Variants in HEATR1 observed in about 807,000 individuals in gnomAD.
HEATR1 encodes the protein HEAT repeat-containing protein 1.
Under a neutral mutation model 248.2 loss-of-function variants are expected in HEATR1, and 77 were observed. The ratio of observed to expected loss-of-function variants is 0.31; its 90% CI spans 0.26 to 0.37. The LOEUF is 0.37. Among genes scored for constraint, HEATR1 ranks in the 10% least tolerant of loss-of-function variants. The pLI, the probability that HEATR1 is intolerant of heterozygous loss-of-function variation, is 1.00. For missense variants in HEATR1, 2,420 were observed against 2,504.9 expected (o/e 0.97, Z 0.72); for synonymous variants, 897 against 923.1 (o/e 0.97, Z 0.51).
At chr1:236,585,345 A>G in intron 16 of HEATR1, 129 bp from the exon 17 acceptor site, 1 of 677,090 alleles carries the variant, frequency 1.5e-6, no homozygotes, top group Non-Finnish European at 2.4e-6. Flanking sequence ...AGCCTTTATA[A>G]AGTACTAAGC....
intron 17 of HEATR1, among the ~76,000 whole-genome samples, chr1:236,584,010 A>G (rs2799424): frequency 0.59 from 89,379 of 151,982 alleles, 28,063 homozygotes; most frequent in Non-Finnish European, 0.69. Context: ...AATGACAAAT[A>G]TGACTCTGTA....
rs192092733 is a variant in HEATR1 at position 236,552,935 on chromosome 1, A to G, written c.6237+646T>C. 14 of 152,380 alleles carry G rather than the reference A, an allele frequency of 9.2e-5. No homozygotes were observed. In the East Asian group the frequency reaches 2.1e-3, roughly 23 times the overall value. The allele number at this position is 152,380 out of a possible 1,614,324, so 9.4% of individuals were successfully genotyped here. On this transcript the variant is annotated intron_variant, in intron 43 of 44. Coordinates refer to ENST00000366582, the MANE Select transcript of HEATR1 (RefSeq NM_018072.6). Reference sequence around the variant, plus strand: ...GGTTCATCATAATAGTCTCATTGTTAGCATATCCTAATAAAGAATTTGAAC... The same window carrying G: ...GGTTCATCATAATAGTCTCATTGTTGGCATATCCTAATAAAGAATTTGAAC...
At chr1:236,583,609 C>A (rs1200144691) in intron 17 of HEATR1, among the ~76,000 whole-genome samples, 1 of 151,698 alleles carries the variant, frequency 6.6e-6, no homozygotes, top group Non-Finnish European at 1.5e-5. Flanking sequence ...GCTTCAGCCT[C>A]CCGAGTAGGA....
intron 14 of HEATR1, 68 bp downstream of exon 14, chr1:236,587,334 G>A: frequency 4.2e-6 from 3 of 711,838 alleles, no homozygotes; most frequent in Admixed American, 3.6e-5. Context: ...AAAAGAAGAA[G>A]AAATAGAAAG....
At chr1:236,583,964 TGTAA>T (rs1327237326) in intron 17 of HEATR1, among the ~76,000 whole-genome samples, 1 of 152,158 alleles carries the variant, frequency 6.6e-6, no homozygotes, top group African/African-American at 2.4e-5. Flanking sequence ...GAAATTATAC[TGTAA>T]GTGCCAAAAG....
chr1:236,592,656 A>C, intron 9 of HEATR1, 23 bp from the exon 10 acceptor site: 1 of 919,200 alleles, frequency 1.1e-6, no homozygotes, highest in Non-Finnish European at 1.7e-6. Flanking sequence ...AAACAGAAAT[A>C]TCAGCATACA....
At chr1:236,553,461 C>T in intron 43 of HEATR1, 120 bp downstream of exon 43, 1 of 1,033,154 alleles carries the variant, frequency 9.7e-7, no homozygotes, top group South Asian at 1.8e-5. Context: ...TACTGGATGA[C>T]AAATAGCAAT....
intron 5 of HEATR1, among the ~76,000 whole-genome samples, chr1:236,597,406 C>T (rs1664205797): frequency 3.3e-5 from 5 of 152,024 alleles, no homozygotes; most frequent in Admixed American, 3.3e-4. Flanking sequence ...GCATGCCCCA[C>T]CATGCCCAGT....
At chr1:236,553,384 C>T (rs1035352710) in intron 43 of HEATR1, among the ~76,000 whole-genome samples, 197 bp downstream of exon 43, 1 of 152,148 alleles carries the variant, frequency 6.6e-6, no homozygotes, top group African/African-American at 2.4e-5. Context: ...TACAAATAGC[C>T]TGTAAGTAAA....
In HEATR1 at chr1:236,554,709, G is replaced by A; in HGVS notation, c.5967C>T (p.Cys1989=). The change falls in exon 42 of 45, where the codon TGC becomes TGT. Residue 1989 remains cysteine (C), a synonymous_variant. Coordinates refer to ENST00000366582, the MANE Select transcript of HEATR1 (RefSeq NM_018072.6). ...FDSENDPEKC[C]LLLQFILNCL... ...AGTTCAAAATAAACTGCAACAGCAA[G>A]CAGCACTTTTCAGGGTCATTTTCAG... 6.2e-7 allele frequency: 1 copy of A among 1,612,964 alleles called. No homozygotes were observed. Among genetic ancestry groups the A allele is most frequent in the South Asian group, 1.1e-5 (1 of 90,606 alleles).
intron 28 of HEATR1, 115 bp from the exon 29 acceptor site, chr1:236,569,239 G>T: frequency 1.3e-6 from 1 of 746,648 alleles, no homozygotes; most frequent in African/African-American, 1.9e-5. Context: ...GCAGTTGTGT[G>T]ATCACAGTTC....
Position 236,576,820 on chromosome 1 carries a change from T to TAA in HEATR1, c.2884_2885insTT (p.Lys962IlefsTer30). The TAA allele has an allele frequency of 6.2e-7, 1 of 1,613,946 alleles. No individual in the cohort carries two copies. Among genetic ancestry groups the TAA allele is most frequent in the Non-Finnish European group, 8.5e-7 (1 of 1,179,934 alleles). On this transcript the variant is annotated frameshift_variant, in exon 21 of 45. Coordinates refer to ENST00000366582, the MANE Select transcript of HEATR1 (RefSeq NM_018072.6). LOFTEE classifies it high-confidence loss of function. Reference sequence around the variant, plus strand: ...AGCATCTGAAGTGATCTCCTCTGCTTTAGAAATCAAATGATCTATTATCAG... The same window carrying TAA: ...AGCATCTGAAGTGATCTCCTCTGCTTAATAGAAATCAAATGATCTATTATCAG...
In HEATR1 at chr1:236,573,913, A is replaced by G. The variant is rs141753194; in HGVS notation, c.3459+289T>C. ...CCATTGACTCATTCCTATTCCTTGC[A>G]TAAAGGAATAGGTAGATTCCGTCTA... On this transcript the variant is annotated intron_variant, in intron 24 of 44. Transcript: ENST00000366582. The G allele has an allele frequency of 3.2e-3, 673 of 207,330 alleles. 4 individuals are homozygous for G. The highest frequency in any genetic ancestry group is 3.7e-3 in the Non-Finnish European group (395 of 105,524). The allele number at this position is 207,330 out of a possible 1,614,324, so 12.8% of individuals were successfully genotyped here.
At chr1:236,602,557 A>G (rs930223126) in intron 3 of HEATR1, among the ~76,000 whole-genome samples, 11 of 152,206 alleles carry the variant, frequency 7.2e-5, no homozygotes, top group African/African-American at 2.4e-4. Context: ...TTTGCCAAGA[A>G]AGCAGCTTAG....
chr1:236,558,462 T>C lies in HEATR1; in HGVS notation c.4979A>G (p.Glu1660Gly). ...AIVQRKKKEG[E>G]EEQAINRQTA... ...CTGTCTGTTGATTGCTTGTTCTTCT[T>C]CCCCTTCCTTTTTCTTACGCTGCAC... The change falls in exon 36 of 45, where the codon GAA becomes GGA. Residue 1660 changes from glutamate to glycine, a missense_variant. Glu to Gly is a moderately conservative substitution (Grantham distance 98). Transcript: ENST00000366582. 1 of 1,614,212 alleles carries C rather than the reference T, an allele frequency of 6.2e-7. No homozygotes were observed. Among genetic ancestry groups the C allele is most frequent in the Non-Finnish European group, 8.5e-7 (1 of 1,180,020 alleles).
rs193150310 is a variant in HEATR1 at position 236,554,752 on chromosome 1, T to C, written c.5924A>G (p.Asp1975Gly). ...ATTTTCAGAGTCAAAAAATGCTTCA[T>C]CTGTAGACGTGGGAAGAGTAAAAAT... The part of the protein sequence containing the change: ...TLNQVNISKT[D>G]EAFFDSENDP... The change falls in exon 42 of 45, where the codon GAT becomes GGT. Residue 1975 changes from aspartate (D) to glycine (G), a missense_variant and splice_region_variant. By Grantham distance (94) the Asp-to-Gly change is moderately conservative (BLOSUM62 -1). Transcript: ENST00000366582. The C allele has an allele frequency of 1.9e-6, 3 of 1,609,334 alleles. No individual in the cohort carries two copies. The highest frequency in any genetic ancestry group is 1.1e-5 in the South Asian group (1 of 89,498).
At chr1:236,597,226 GA>G (rs1167405882) in intron 5 of HEATR1, among the ~76,000 whole-genome samples, 1 of 149,794 alleles carries the variant, frequency 6.7e-6, no homozygotes, top group Non-Finnish European at 1.5e-5. Context: ...ACTGCCTAAT[GA>G]TATTCCTAAC....
chr1:236,571,383 A>G lies in HEATR1; in HGVS notation c.3916T>C (p.Leu1306=), dbSNP rs778291253. 6.2e-6 allele frequency: 10 copies of G among 1,604,910 alleles called. No individual in the cohort carries two copies. The highest frequency in any genetic ancestry group is 1.8e-5 in the Admixed American group (1 of 56,530). ...EMPQTHHHAL[L]LLGTVAGIFP... ...ATTCCAGCAACAGTGCCCAAAAGTA[A>G]AAGGGCATGGTGATGGGTCTGCGGC... is the stretch of plus-strand genomic sequence containing the variant. Residue 1306 remains leucine (L), a synonymous_variant, in exon 28 of 45, where the codon TTA becomes CTA. Transcript: ENST00000366582.
chr1:236,592,646 A>G lies in HEATR1; in HGVS notation c.1194-13T>C. ...TTCAAATAGAAGGCTGTAAAAAAAAAAACAGAAATATCAGCATACATAAGA... is the reference window on the plus strand; with the variant it reads ...TTCAAATAGAAGGCTGTAAAAAAAAGAACAGAAATATCAGCATACATAAGA... On this transcript the variant is annotated splice_polypyrimidine_tract_variant and intron_variant, in intron 9 of 44. Coordinates refer to ENST00000366582, the MANE Select transcript of HEATR1 (RefSeq NM_018072.6). The G allele has an allele frequency of 3.6e-6, 4 of 1,096,144 alleles. No homozygotes were observed. Among genetic ancestry groups the G allele is most frequent in the Non-Finnish European group, 5.4e-6 (4 of 734,396 alleles). The allele number at this position is 1,096,144 out of a possible 1,614,324, so 67.9% of individuals were successfully genotyped here.
Sources: gnomAD v4.1 joint callset for allele counts (sites outside exome capture counted in the v4.1 genomes callset) on GRCh38, gnomAD v4.1.1 for gene constraint, MANE v1.5 for transcripts, NCBI Gene and HGNC (gene_info 2026-07-23, HGNC 2026-07-21) for gene names.